The following PDE11A variants were observed in gnomAD, a reference collection of about 807,000 sequenced individuals.
PDE11A encodes the protein dual 3',5'-cyclic-AMP and -GMP phosphodiesterase 11A.
Under a neutral mutation model 100.5 loss-of-function variants are expected in PDE11A, and 100 were observed. The observed-to-expected ratio is 1.00, with a 90% CI of 0.85 to 1.18. The LOEUF (loss-of-function observed/expected upper bound fraction) is 1.18. PDE11A is among the 50% of genes most tolerant of loss of function. The pLI is 0.00. For missense variants in PDE11A, 1,141 were observed against 1,152.6 expected (o/e 0.99, Z 0.15); for synonymous variants, 381 against 420.8 (o/e 0.91, Z 1.16).
At chr2:178,104,571 T>G (rs1327306676) in intron 1 of PDE11A, 21 of 1,012,362 alleles carry the variant, frequency 2.1e-5, no homozygotes, top group Non-Finnish European at 6.0e-6. Flanking sequence ...TTGACTGAAG[T>G]GAATGCTGAT....
intron 1 of PDE11A, among the ~76,000 whole-genome samples, chr2:178,061,414 T>C (rs1471629954): frequency 6.6e-6 from 1 of 152,166 alleles, no homozygotes; most frequent in Non-Finnish European, 1.5e-5. Flanking sequence ...AAGATGCCAA[T>C]AATACCCCTG....
chr2:177,954,513 C>G (rs530637552), intron 2 of PDE11A, among the ~76,000 whole-genome samples: 55 of 152,228 alleles, frequency 3.6e-4, no homozygotes, highest in African/African-American at 1.3e-3. Context: ...ATTTGGACAG[C>G]TTCTTTGTAC....
chr2:177,654,529 A>G (rs2080353676), intron 19 of PDE11A, among the ~76,000 whole-genome samples: 1 of 151,414 alleles, frequency 6.6e-6, no homozygotes, highest in South Asian at 2.1e-4. Flanking sequence ...ATAAAGAAAG[A>G]AAGAAAAAAG....
At chr2:177,867,634 G>A in intron 5 of PDE11A, among the ~76,000 whole-genome samples, 1 of 152,132 alleles carries the variant, frequency 6.6e-6, no homozygotes, top group East Asian at 1.9e-4. Context: ...GCTGAGGCAG[G>A]AGAATCACTT....
At chr2:177,956,837 G>A (rs1300921145) in intron 2 of PDE11A, among the ~76,000 whole-genome samples, 5 of 151,910 alleles carry the variant, frequency 3.3e-5, no homozygotes, top group South Asian at 4.2e-4. Flanking sequence ...GCATGTTCTC[G>A]CTCATAGGTG....
At position 177,696,060 on chromosome 2, in the gene PDE11A, C is replaced by T. The variant is rs569404316; in HGVS notation, c.2345+1272G>A. ...GTAATGCGTAGACTAGTCTGGTTGA[C>T]GTAGACCAATCATGTAGGGGAGAAG... On this transcript the variant is annotated intron_variant, in intron 15 of 19. Coordinates refer to ENST00000286063, the MANE Select transcript of PDE11A (RefSeq NM_016953.4). Among the ~76,000 whole-genome samples the T allele has an allele frequency of 5.3e-5, 8 of 152,132 alleles. No homozygotes were observed. The South Asian group carries it at 1.2e-3, about 24-fold the overall frequency.
At chr2:177,661,982 T>C (rs1486909096) in intron 19 of PDE11A, among the ~76,000 whole-genome samples, 1 of 152,194 alleles carries the variant, frequency 6.6e-6, no homozygotes, top group African/African-American at 2.4e-5. Context: ...TTCCTGAAGC[T>C]GAAAATAGCA....
At chr2:178,054,794 T>A (rs1162289620) in intron 1 of PDE11A, among the ~76,000 whole-genome samples, 2 of 152,070 alleles carry the variant, frequency 1.3e-5, no homozygotes, top group East Asian at 3.9e-4. Flanking sequence ...AAAACCACAA[T>A]GAGATACCAT....
At chr2:177,696,870 G>T (rs1019209194) in intron 15 of PDE11A, among the ~76,000 whole-genome samples, 1 of 152,160 alleles carries the variant, frequency 6.6e-6, no homozygotes, top group Non-Finnish European at 1.5e-5. Context: ...AGAAAGGCCT[G>T]AACTTTGGTG....
intron 16 of PDE11A, among the ~76,000 whole-genome samples, chr2:177,679,048 C>A (rs73042842): frequency 7.0e-6 from 1 of 143,252 alleles, no homozygotes; most frequent in Non-Finnish European, 1.5e-5. Context: ...AATCCAGAAG[C>A]GTATATGGCT....
intron 1 of PDE11A, among the ~76,000 whole-genome samples, chr2:178,064,593 C>G (rs561759064): frequency 1.3e-5 from 2 of 151,902 alleles, no homozygotes; most frequent in African/African-American, 4.8e-5. Context: ...GTTAGTACTC[C>G]ATAAATGAAG....
At chr2:177,910,703 T>C (rs2084867621) in intron 2 of PDE11A, among the ~76,000 whole-genome samples, 1 of 152,142 alleles carries the variant, frequency 6.6e-6, no homozygotes, top group African/African-American at 2.4e-5. Context: ...CTGAAAATCA[T>C]TAAACAGTGT....
chr2:177,925,060 C>T (rs1428077369), intron 2 of PDE11A, among the ~76,000 whole-genome samples: 3 of 150,438 alleles, frequency 2.0e-5, no homozygotes, highest in Non-Finnish European at 4.4e-5. Flanking sequence ...GACATGAACT[C>T]ATCATTTTTT....
chr2:177,629,505 T>C lies in PDE11A; in HGVS notation c.2704A>G (p.Arg902Gly). ...KPMLDSVATN[R>G]SKWEELHQKR... ...TGGTGTAGCTCTTCCCACTTACTTC[T>C]GTTTGTAGCTACTGAATCTAGCATC... is the stretch of plus-strand genomic sequence containing the variant. Residue 902 changes from arginine to glycine, a missense_variant, in exon 20 of 20, where the codon AGA becomes GGA. By Grantham distance (125) the Arg-to-Gly change is moderately radical (BLOSUM62 -2). Coordinates refer to ENST00000286063, the MANE Select transcript of PDE11A (RefSeq NM_016953.4). The C allele has an allele frequency of 6.2e-7, 1 of 1,613,656 alleles. No homozygotes were observed. Among genetic ancestry groups the C allele is most frequent in the Non-Finnish European group, 8.5e-7 (1 of 1,179,622 alleles).
At chr2:177,989,672 C>T (rs2085980274) in intron 2 of PDE11A, among the ~76,000 whole-genome samples, 2 of 152,152 alleles carry the variant, frequency 1.3e-5, no homozygotes. Context: ...GTCACTGCTC[C>T]TCATCTGAAA....
At chr2:177,750,934 T>C (rs928390053) in intron 10 of PDE11A, among the ~76,000 whole-genome samples, 1 of 152,166 alleles carries the variant, frequency 6.6e-6, no homozygotes, top group African/African-American at 2.4e-5. Context: ...GCTTAAAAAG[T>C]ATATCAATTC....
At chr2:177,781,808 T>C (rs2082459242) in intron 9 of PDE11A, among the ~76,000 whole-genome samples, 1 of 152,184 alleles carries the variant, frequency 6.6e-6, no homozygotes. Flanking sequence ...AGCTGAATTC[T>C]CTTTTAATTA....
At chr2:177,914,183 TTTTG>T (rs2084920652) in intron 2 of PDE11A, among the ~76,000 whole-genome samples, 1 of 152,204 alleles carries the variant, frequency 6.6e-6, no homozygotes, top group Non-Finnish European at 1.5e-5. Context: ...CTTTTGCTTA[TTTTG>T]TTTATTTTTT....
intron 5 of PDE11A, among the ~76,000 whole-genome samples, chr2:177,868,706 T>C (rs1290250494): frequency 6.6e-6 from 1 of 152,228 alleles, no homozygotes; most frequent in Non-Finnish European, 1.5e-5. Context: ...AGTGCTCTGC[T>C]ATCATCTCCA....
Sources: allele counts gnomAD v4.1 joint callset (sites outside exome capture counted in the v4.1 genomes callset), GRCh38; gene constraint gnomAD v4.1.1; transcripts MANE v1.5; gene names NCBI Gene and HGNC (gene_info 2026-07-23, HGNC 2026-07-21).